The following DIAPH2 variants were observed in gnomAD, a reference collection of about 807,000 sequenced individuals.
The protein encoded by DIAPH2 is diaphanous related formin 2.
DIAPH2 carries 35 observed loss-of-function variants against 92.7 expected under a neutral mutation model. The ratio of observed to expected loss-of-function variants is 0.38; its 90% CI spans 0.29 to 0.50. DIAPH2 has a LOEUF of 0.50. Among genes scored for constraint, DIAPH2 ranks in the 20% least tolerant of loss-of-function variants. The probability of loss-of-function intolerance (pLI) is 0.94; values close to 1 mark genes in which losing one functional copy is unlikely to be tolerated. For missense variants in DIAPH2, 701 were observed against 819.5 expected, an observed-to-expected ratio of 0.86 and a Z score of 1.77; for synonymous variants, 301 against 280.4, an observed-to-expected ratio of 1.07 and a Z score of -0.73.
At chrX:96,790,081 T>TTTTTTG (rs2064488589) in intron 4 of DIAPH2, among the ~76,000 whole-genome samples, 7 of 109,532 alleles carry the variant, frequency 6.4e-5, no homozygotes, top group African/African-American at 2.3e-4. Flanking sequence ...TTGTTTTTTT[T>TTTTTTG]TTTTTGAGAC....
At chrX:97,406,685 T>TG (rs992583298) in intron 25 of DIAPH2, among the ~76,000 whole-genome samples, 3 of 111,900 alleles carry the variant, frequency 2.7e-5, no homozygotes, top group African/African-American at 9.7e-5. Context: ...AAGTGCTGAG[T>TG]GAAAAATGGT....
chrX:97,311,348 C>G (rs941182643), intron 23 of DIAPH2, among the ~76,000 whole-genome samples: 7 of 111,813 alleles, frequency 6.3e-5, no homozygotes, highest in African/African-American at 2.3e-4. Flanking sequence ...CTAGACAGAG[C>G]TGATTTATCA....
chrX:96,864,317 A>G (rs1219907421), intron 4 of DIAPH2, among the ~76,000 whole-genome samples: 1 of 101,441 alleles, frequency 9.9e-6, no homozygotes, highest in Non-Finnish European at 2.0e-5. Context: ...TTTTAACCAC[A>G]TGGCTTTCCA....
At chrX:97,507,440 G>C (rs1381862572) in intron 26 of DIAPH2, among the ~76,000 whole-genome samples, 1 of 110,611 alleles carries the variant, frequency 9.0e-6, no homozygotes, top group Non-Finnish European at 1.9e-5. Flanking sequence ...CTACTTACTT[G>C]TCAAGACATT....
chrX:97,558,070 T>C (rs1024489606), intron 26 of DIAPH2, among the ~76,000 whole-genome samples: 3 of 112,272 alleles, frequency 2.7e-5, no homozygotes, highest in Admixed American at 9.5e-5. Context: ...ATTCAACAAA[T>C]ATATATTACT....
intron 7 of DIAPH2, among the ~76,000 whole-genome samples, chrX:96,913,118 A>G (rs1367300969): frequency 9.0e-6 from 1 of 110,874 alleles, no homozygotes; most frequent in Non-Finnish European, 1.9e-5. Flanking sequence ...TATTGCTTTC[A>G]TATAGGGAAG....
chrX:97,022,768 A>G (rs1346242498), intron 17 of DIAPH2, among the ~76,000 whole-genome samples: 6 of 112,153 alleles, frequency 5.3e-5, no homozygotes, highest in Middle Eastern at 4.7e-3. Flanking sequence ...AAATGTTAGT[A>G]TGTTGCTGGG....
At chrX:96,739,355 AATTAAACCGT>A (rs1199917936) in intron 3 of DIAPH2, among the ~76,000 whole-genome samples, 2 of 111,528 alleles carry the variant, frequency 1.8e-5, no homozygotes, top group Non-Finnish European at 3.8e-5. Flanking sequence ...AGAGATGAGG[AATTAAACCGT>A]ATTACATTGT....
intron 26 of DIAPH2, among the ~76,000 whole-genome samples, chrX:97,544,890 A>G (rs757196814): frequency 9.0e-6 from 1 of 111,682 alleles, no homozygotes; most frequent in African/African-American, 3.3e-5. Context: ...TAATTTTACA[A>G]TTTATTCAAT....
intron 23 of DIAPH2, among the ~76,000 whole-genome samples, chrX:97,269,845 C>T (rs144683671): frequency 3.7e-5 from 4 of 108,881 alleles, no homozygotes; most frequent in African/African-American, 1.4e-4. Context: ...CTCTGCCTCC[C>T]GAGTTCAAGC....
intron 1 of DIAPH2, among the ~76,000 whole-genome samples, chrX:96,696,326 CTT>C (rs1182342069): frequency 8.9e-6 from 1 of 112,180 alleles, no homozygotes; most frequent in Non-Finnish European, 1.9e-5. Flanking sequence ...CTGGACAAGT[CTT>C]TTATTTTTCT....
chrX:97,577,271 A>G (rs374639680), intron 26 of DIAPH2, among the ~76,000 whole-genome samples: 2 of 112,527 alleles, frequency 1.8e-5, no homozygotes, highest in East Asian at 5.5e-4. Flanking sequence ...AACAAATGAC[A>G]TATTTCTATG....
intron 23 of DIAPH2, among the ~76,000 whole-genome samples, chrX:97,300,955 A>AAAAAC (rs2068695984): frequency 1.6e-5 from 1 of 63,745 alleles, no homozygotes; most frequent in African/African-American, 4.9e-5. Flanking sequence ...AAAAAAAAAA[A>AAAAAC]AAAAAAAAAA....
chrX:96,997,730 A>G (rs1010360009), intron 17 of DIAPH2, among the ~76,000 whole-genome samples: 5 of 111,475 alleles, frequency 4.5e-5, no homozygotes, highest in African/African-American at 1.6e-4. Flanking sequence ...TCTAGGCAGG[A>G]CTGTATTCAT....
Position 97,601,284 on chromosome X carries a change from A to G in DIAPH2, c.*1967A>G, listed in dbSNP as rs1321639812. On this transcript the variant is annotated 3_prime_UTR_variant, in exon 27 of 27. Transcript: ENST00000324765. ...AATTTGGGAGCATATGCCTTGCTATATTATCAAGCTGGTCAAGGTAGAAAT... is the reference window on the plus strand; with the variant it reads ...AATTTGGGAGCATATGCCTTGCTATGTTATCAAGCTGGTCAAGGTAGAAAT... The G allele has an allele frequency of 8.9e-6, 1 of 111,992 alleles. No individual in the cohort carries two copies. Among genetic ancestry groups the G allele is most frequent in the Non-Finnish European group, 1.9e-5 (1 of 53,075 alleles). 9.2% of individuals were successfully genotyped at this position (111,992 alleles called of 1,213,427 possible). A position where few individuals can be genotyped will look rare whatever the true frequency, so the allele number is the denominator to read the frequency against.
intron 5 of DIAPH2, among the ~76,000 whole-genome samples, chrX:96,900,704 A>C (rs1429153952): frequency 1.8e-5 from 2 of 111,767 alleles, no homozygotes; most frequent in African/African-American, 6.5e-5. Flanking sequence ...GCATCTATTG[A>C]GATGATGATA....
chrX:96,842,040 CCG>C (rs1265105189), intron 4 of DIAPH2, among the ~76,000 whole-genome samples: 1 of 111,065 alleles, frequency 9.0e-6, no homozygotes, highest in Non-Finnish European at 1.9e-5. Flanking sequence ...AAGGCAGGAA[CCG>C]GCCATTTTAA....
chrX:97,514,582 C>T (rs760483410), intron 26 of DIAPH2, among the ~76,000 whole-genome samples: 1,900 of 102,196 alleles, frequency 0.019, 49 homozygotes, highest in African/African-American at 0.065. Flanking sequence ...GGAGGAGAGG[C>T]GCTCTGATTT....
chrX:97,596,085 G>A (rs552894486), intron 26 of DIAPH2, among the ~76,000 whole-genome samples: 1 of 112,029 alleles, frequency 8.9e-6, no homozygotes, highest in South Asian at 3.7e-4. Flanking sequence ...ATGCATAGCC[G>A]GCTCTGGTAG....
Sources: gnomAD v4.1 joint callset for allele counts (sites outside exome capture counted in the v4.1 genomes callset) on GRCh38, gnomAD v4.1.1 for gene constraint, MANE v1.5 for transcripts, NCBI Gene and HGNC (gene_info 2026-07-23, HGNC 2026-07-21) for gene names.